TMEM82: variants seen among roughly 807,000 people sequenced by gnomAD.
The protein encoded by TMEM82 is transmembrane protein 82.
In TMEM82, 30 loss-of-function variants were observed where a neutral mutation model predicts 29.2. The ratio of observed to expected loss-of-function variants is 1.03; its 90% CI spans 0.77 to 1.39. TMEM82 has a LOEUF of 1.39. Ranked by LOEUF, TMEM82 falls within the 40% of genes most tolerant of loss-of-function variation. The pLI, the probability that TMEM82 is intolerant of heterozygous loss-of-function variation, is 0.00. For missense variants in TMEM82, 442 were observed against 447.7 expected, an observed-to-expected ratio of 0.99 and a Z score of 0.12; for synonymous variants, 221 against 225.4, an observed-to-expected ratio of 0.98 and a Z score of 0.18.
In TMEM82 at chr1:15,747,840, C is replaced by A. The variant is rs529384317; in HGVS notation, c.*208C>A. Reference sequence around the variant, plus strand: ...GACACCTGGGGACCCCTGGTTGAACCCTCTTTTTCTTGGGGTGGGCAATGA... The same window carrying A: ...GACACCTGGGGACCCCTGGTTGAACACTCTTTTTCTTGGGGTGGGCAATGA... On this transcript the variant is annotated 3_prime_UTR_variant, in exon 6 of 6. Coordinates refer to ENST00000375782, the MANE Select transcript of TMEM82 (RefSeq NM_001013641.3). 1 of 473,394 alleles carries A rather than the reference C, an allele frequency of 2.1e-6. No homozygotes were observed. The highest frequency in any genetic ancestry group is 2.0e-5 in the African/African-American group (1 of 50,246). The allele number at this position is 473,394 out of a possible 1,614,324, so 29.3% of individuals were successfully genotyped here. A position where few individuals can be genotyped will look rare whatever the true frequency, so the allele number is the denominator to read the frequency against.
chr1:15,747,826 A>G lies in TMEM82; in HGVS notation c.*194A>G. 1 of 490,176 alleles carries G rather than the reference A, an allele frequency of 2.0e-6. No homozygotes were observed. The allele number at this position is 490,176 out of a possible 1,614,324, so 30.4% of individuals were successfully genotyped here. On this transcript the variant is annotated 3_prime_UTR_variant, in exon 6 of 6. Coordinates refer to ENST00000375782, the MANE Select transcript of TMEM82 (RefSeq NM_001013641.3). ...GCCTCTGGAGAGGGGACACCTGGGG[A>G]CCCCTGGTTGAACCCTCTTTTTCTT...
chr1:15,743,209 A>G lies in TMEM82; in HGVS notation c.336+15A>G. 2 of 1,600,776 alleles carry G rather than the reference A, an allele frequency of 1.2e-6. No homozygotes were observed. Among genetic ancestry groups the G allele is most frequent in the Non-Finnish European group, 1.7e-6 (2 of 1,178,312 alleles). On this transcript the variant is annotated intron_variant, in intron 3 of 5. Coordinates refer to ENST00000375782, the MANE Select transcript of TMEM82 (RefSeq NM_001013641.3). ...CCCTGGGCAAGGTGAGGCCTCCGGG[A>G]AGGCAGTGGGTGGATCACTCCCCAG...
At chr1:15,742,766 C>A (rs2068300169) in intron 1 of TMEM82, 69 bp from the exon 2 acceptor site, 2 of 1,552,160 alleles carry the variant, frequency 1.3e-6, no homozygotes, top group South Asian at 1.1e-5. Flanking sequence ...CCCCTCTGAC[C>A]CTACCAATGA....
chr1:15,744,975 G>A lies in TMEM82; in HGVS notation c.757+395G>A, dbSNP rs2068324250. On this transcript the variant is annotated intron_variant, in intron 4 of 5. Transcript: ENST00000375782. This position sits in a 1 kb window ranked among gnomAD's most constrained non-coding sequence, Gnocchi z 5.2. ...GCCAGGTTCGAAGGGGCCTGTTGGA[G>A]AGCCCTCAACAGCCAGGCGGGGAAG... 6.6e-6 allele frequency among the ~76,000 whole-genome samples: 1 copy of A among 152,218 alleles called. No homozygotes were observed. Among genetic ancestry groups the A allele is most frequent in the South Asian group, 2.1e-4 (1 of 4,826 alleles).
rs142233857 is a variant in TMEM82 at position 15,743,117 on chromosome 1, G to C, written c.259G>C (p.Val87Leu). The C allele has an allele frequency of 6.2e-7, 1 of 1,612,062 alleles. No homozygotes were observed. Among genetic ancestry groups the C allele is most frequent in the Non-Finnish European group, 8.5e-7 (1 of 1,179,830 alleles). The change falls in exon 3 of 6, where the codon GTG becomes CTG. Residue 87 changes from valine to leucine, a missense_variant. Val to Leu is a conservative substitution (Grantham distance 32, BLOSUM62 1). Transcript: ENST00000375782. ...LAGLALFLTV[V>L]GSRVAALVVL... ...AGGGCTGGCCCTGTTTCTGACGGTC[G>C]TGGGGTCCCGGGTGGCTGCCCTCGT...
At chr1:15,742,967 G>A in intron 2 of TMEM82, 53 bp from the exon 3 acceptor site, 1 of 1,599,190 alleles carries the variant, frequency 6.3e-7, no homozygotes, top group Non-Finnish European at 8.5e-7. Flanking sequence ...CCCCCACCAG[G>A]GGTCGAAGGT....
At chr1:15,742,738 C>T (rs2068299899) in intron 1 of TMEM82, 91 bp downstream of exon 1, 1 of 1,513,824 alleles carries the variant, frequency 6.6e-7, no homozygotes, top group African/African-American at 1.4e-5. Flanking sequence ...TCTCCCGACA[C>T]CCCTGCCCCT....
At position 15,742,745 on chromosome 1, in the gene TMEM82, C is replaced by T. The variant is rs543897748; in HGVS notation, c.89-90C>T. 3.2e-3 allele frequency: 4,864 copies of T among 1,515,902 alleles called. 10 individuals are homozygous for T. Among genetic ancestry groups the T allele is most frequent in the Non-Finnish European group, 3.9e-3 (4,278 of 1,108,916 alleles). The allele number at this position is 1,515,902 out of a possible 1,614,324, so 93.9% of individuals were successfully genotyped here. A position where few individuals can be genotyped will look rare whatever the true frequency, so the allele number is the denominator to read the frequency against. On this transcript the variant is annotated intron_variant, in intron 1 of 5. Transcript: ENST00000375782. Reference sequence around the variant, plus strand: ...CCACCTGGTCTCCCGACACCCCTGCCCCTTGGCCGCCCCCTCTGACCCTAC... The same window carrying T: ...CCACCTGGTCTCCCGACACCCCTGCTCCTTGGCCGCCCCCTCTGACCCTAC...
chr1:15,746,041 T>TG (rs1398780650), intron 4 of TMEM82, among the ~76,000 whole-genome samples: 2 of 151,568 alleles, frequency 1.3e-5, no homozygotes, highest in African/African-American at 4.8e-5. Context: ...AGGGTTTTTT[T>TG]TTGTTGTTGT....
chr1:15,747,505 ATGGGTGAATGGG>A, intron 5 of TMEM82, 29 bp from the exon 6 acceptor site: 1 of 1,557,302 alleles, frequency 6.4e-7, no homozygotes, highest in Middle Eastern at 1.7e-4. Context: ...CCGCAGGGGG[ATGGGTGAATGGG>A]TGGTGTCATT....
Position 15,746,907 on chromosome 1 carries a change from G to A in TMEM82, c.798G>A (p.Gln266=). The A allele has an allele frequency of 6.2e-7, 1 of 1,604,576 alleles. No homozygotes were observed. Among genetic ancestry groups the A allele is most frequent in the Non-Finnish European group, 8.5e-7 (1 of 1,179,144 alleles). The change falls in exon 5 of 6, where the codon CAG becomes CAA. Residue 266 remains glutamine, a synonymous_variant. Coordinates refer to ENST00000375782, the MANE Select transcript of TMEM82 (RefSeq NM_001013641.3). ...RQHPGLQSQV[Q]TVLVRMGGLF... is the part of the protein sequence containing the mutation. ...ACCCCGGCCTGCAGAGCCAGGTGCAGACGGTGCTGGTGCGCATGGGCGGCC... is the reference window on the plus strand; with the variant it reads ...ACCCCGGCCTGCAGAGCCAGGTGCAAACGGTGCTGGTGCGCATGGGCGGCC...
In TMEM82 at chr1:15,745,577, AAGAG is replaced by A. The variant is rs571016161; in HGVS notation, c.757+1009_757+1012del. Among the ~76,000 whole-genome samples the A allele has an allele frequency of 7.4e-5, 11 of 148,858 alleles. No homozygotes were observed. The South Asian group carries it at 8.7e-4, about 12-fold the overall frequency. On this transcript the variant is annotated intron_variant, in intron 4 of 5. Coordinates refer to ENST00000375782, the MANE Select transcript of TMEM82 (RefSeq NM_001013641.3). ...AAAGAGAGAAAGAGAGAGAGAGAGA[AAGAG>A]AGAGAGAGAGAAAGAGAGAAGGAGG...
Position 15,747,023 on chromosome 1 carries a change from T to C in TMEM82, c.914T>C (p.Val305Ala), listed in dbSNP as rs768631229. 1.1e-5 allele frequency: 18 copies of C among 1,609,244 alleles called. No individual in the cohort carries two copies. In the South Asian group the frequency reaches 1.9e-4, roughly 17 times the overall value. Reference protein sequence around the residue: ...LLGELWCLVGVRTLLDLCQIQ... With the variant: ...LLGELWCLVGARTLLDLCQIQ... ...GGCGAGCTCTGGTGTCTCGTGGGCG[T>C]CCGCACCCTGCTTGACCTCTGCCAG... is the stretch of plus-strand genomic sequence containing the variant. The change falls in exon 5 of 6, where the codon GTC becomes GCC. Residue 305 changes from valine to alanine, a missense_variant. By Grantham distance (64) the Val-to-Ala change is moderately conservative. Transcript: ENST00000375782.
intron 4 of TMEM82, among the ~76,000 whole-genome samples, chr1:15,745,174 G>A (rs974279988): frequency 3.3e-5 from 5 of 152,146 alleles, no homozygotes; most frequent in Non-Finnish European, 5.9e-5. Flanking sequence ...AGCCTCCCAA[G>A]TTGTGGGGAT....
Position 15,747,677 on chromosome 1 carries a change from T to G in TMEM82, c.*45T>G, listed in dbSNP as rs867285354. On this transcript the variant is annotated 3_prime_UTR_variant, in exon 6 of 6. Coordinates refer to ENST00000375782, the MANE Select transcript of TMEM82 (RefSeq NM_001013641.3). ...GGAGTCTGTCTCAAGCCCACTAGCC[T>G]GATCTCCGAGGCCTTGACCCCAGGG... 9 of 1,555,742 alleles carry G rather than the reference T, an allele frequency of 5.8e-6. No homozygotes were observed. The highest frequency in any genetic ancestry group is 8.0e-6 in the Non-Finnish European group (9 of 1,131,254).
chr1:15,744,224 G>A lies in TMEM82; in HGVS notation c.401G>A (p.Gly134Glu). ...YLLCQYSLGC[G>E]LTCGLSFLQE... is the part of the protein sequence containing the mutation. ...CTGTGCCAGTACTCGCTGGGCTGCG[G>A]GCTGACCTGTGGCCTGAGCTTCCTG... The change falls in exon 4 of 6, where the codon GGG (glycine) becomes GAG (glutamate). Residue 134 changes from glycine (G) to glutamate (E), a missense_variant. Coordinates refer to ENST00000375782, the MANE Select transcript of TMEM82 (RefSeq NM_001013641.3). The surrounding 1 kb of genome is among the most constrained non-coding windows in gnomAD (Gnocchi z 5.2). 2 of 1,590,450 alleles carry A rather than the reference G, an allele frequency of 1.3e-6. No homozygotes were observed. The highest frequency in any genetic ancestry group is 8.5e-7 in the Non-Finnish European group (1 of 1,173,396).
Position 15,744,138 on chromosome 1 carries a change from C to A in TMEM82, c.337-22C>A. 2 of 1,485,158 alleles carry A rather than the reference C, an allele frequency of 1.3e-6. No individual in the cohort carries two copies. Among genetic ancestry groups the A allele is most frequent in the South Asian group, 2.7e-5 (2 of 74,614 alleles). 92.0% of individuals were successfully genotyped at this position (1,485,158 alleles called of 1,614,324 possible). On this transcript the variant is annotated intron_variant, in intron 3 of 5. Transcript: ENST00000375782. The surrounding 1 kb of genome is among the most constrained non-coding windows in gnomAD (Gnocchi z 5.2). ...GGTGAGGCAGCCCCCACATCTCGGC[C>A]CCTCTTCGGCACTCCCCGCAGGGCT...
chr1:15,745,243 G>A (rs541030046), intron 4 of TMEM82, among the ~76,000 whole-genome samples: 20 of 152,146 alleles, frequency 1.3e-4, no homozygotes, highest in East Asian at 1.9e-4. Flanking sequence ...GGGGTCAGCC[G>A]GGCACAGTGG....
rs71631747 is a variant in TMEM82 at position 15,747,703 on chromosome 1, C to T, written c.*71C>T. On this transcript the variant is annotated 3_prime_UTR_variant, in exon 6 of 6. Coordinates refer to ENST00000375782, the MANE Select transcript of TMEM82 (RefSeq NM_001013641.3). Reference sequence around the variant, plus strand: ...GATCTCCGAGGCCTTGACCCCAGGGCGATGCCTGGAGGCAGAGTGGCAGAG... The same window carrying T: ...GATCTCCGAGGCCTTGACCCCAGGGTGATGCCTGGAGGCAGAGTGGCAGAG... 119 of 1,385,966 alleles carry T rather than the reference C, an allele frequency of 8.6e-5. 2 individuals are homozygous for T. Among genetic ancestry groups the T allele is most frequent in the Middle Eastern group, 3.7e-4 (2 of 5,458 alleles). 85.9% of individuals were successfully genotyped at this position (1,385,966 alleles called of 1,614,324 possible).
Sources: allele counts gnomAD v4.1 joint callset (sites outside exome capture counted in the v4.1 genomes callset), GRCh38; gene constraint gnomAD v4.1.1; non-coding constraint Gnocchi (gnomAD v3.1); transcripts MANE v1.5; gene names NCBI Gene and HGNC (gene_info 2026-07-23, HGNC 2026-07-21).